SIPA1L3: variants seen among roughly 807,000 people sequenced by gnomAD.
SIPA1L3 encodes the protein signal-induced proliferation-associated 1-like protein 3.
SIPA1L3 carries 59 observed loss-of-function variants against 150.1 expected under a neutral mutation model. The ratio of observed to expected loss-of-function variants is 0.39; its 90% CI spans 0.32 to 0.49. SIPA1L3 has a LOEUF of 0.49. Ranked by LOEUF, SIPA1L3 falls within the 20% of genes least tolerant of loss-of-function variation. The pLI, the probability that SIPA1L3 is intolerant of heterozygous loss-of-function variation, is 0.86. For missense variants in SIPA1L3, 2,211 were observed against 2,489.5 expected (o/e 0.89, Z 2.38); for synonymous variants, 1,070 against 1,077.6 (o/e 0.99, Z 0.14).
At chr19:37,921,053 C>A (rs116572273) in intron 1 of SIPA1L3, among the ~76,000 whole-genome samples, 373 of 152,326 alleles carry the variant, frequency 2.4e-3, no homozygotes, top group African/African-American at 8.7e-3. Flanking sequence ...AGGCCCCACA[C>A]GAACCGGAAT....
chr19:38,156,819 A>C (rs1971959908), intron 13 of SIPA1L3, among the ~76,000 whole-genome samples: 2 of 152,086 alleles, frequency 1.3e-5, no homozygotes, highest in African/African-American at 4.8e-5. Flanking sequence ...GTGAGACTCC[A>C]TCTAAAAAAT....
intron 10 of SIPA1L3, among the ~76,000 whole-genome samples, chr19:38,140,795 C>T (rs560914056): frequency 6.6e-6 from 1 of 152,226 alleles, no homozygotes; most frequent in African/African-American, 2.4e-5. Context: ...CGGTGGCTCA[C>T]TCCTATAATC....
intron 1 of SIPA1L3, among the ~76,000 whole-genome samples, chr19:37,967,155 A>AT (rs1031156137): frequency 6.6e-6 from 1 of 151,502 alleles, no homozygotes; most frequent in African/African-American, 2.4e-5. Flanking sequence ...GTTTGTGGGC[A>AT]TTTTTGGCAT....
rs537035094 is a variant in SIPA1L3 at position 37,977,583 on chromosome 19, G to GC, written c.-378-51497dup. Among the ~76,000 whole-genome samples the GC allele has an allele frequency of 7.1e-3, 1,063 of 150,434 alleles. 7 individuals are homozygous for GC. The highest frequency in any genetic ancestry group is 0.015 in the African/African-American group (617 of 41,018). ...TCCCATGATTGGCAGTCCCCTCCAC[G>GC]CCCCCCCCCACAGAAGTAGGAGGAA... On this transcript the variant is annotated intron_variant, in intron 1 of 21. Transcript: ENST00000222345.
intron 4 of SIPA1L3, among the ~76,000 whole-genome samples, chr19:38,096,081 A>G (rs1654365): frequency 0.16 from 24,062 of 152,144 alleles, 2,014 homozygotes; most frequent in African/African-American, 0.21. Flanking sequence ...TACCGGGGCC[A>G]GAAGTGGGAT....
intron 1 of SIPA1L3, among the ~76,000 whole-genome samples, chr19:37,967,398 C>T (rs1226280983): frequency 6.6e-6 from 1 of 151,928 alleles, no homozygotes; most frequent in Non-Finnish European, 1.5e-5. Context: ...GGATTACAGG[C>T]GCCCACCACC....
rs373721533 is a variant in SIPA1L3, at chr19:38,130,575, G to T, written c.2946G>T (p.Lys982Asn). ...TCGGGCAGCTGGGCTTCCACGTGAA[G>T]TACGACGGCACGGTGGCCGAGGTTG... is the stretch of plus-strand genomic sequence containing the variant. ...NGLGQLGFHV[K>N]YDGTVAEVED... Residue 982 changes from lysine (K) to asparagine (N), a missense_variant, in exon 10 of 22, where the codon AAG (lysine) becomes AAT (asparagine). Physicochemically the swap from Lys to Asn is moderately conservative, Grantham distance 94. Around this residue, in one of 5 missense-constraint regions of SIPA1L3, gnomAD observed 625 missense variants for 804.2 expected, o/e 0.78. Transcript: ENST00000222345. The T allele has an allele frequency of 2.4e-5, 39 of 1,613,750 alleles. No individual in the cohort carries two copies. Among genetic ancestry groups the T allele is most frequent in the Non-Finnish European group, 2.3e-5 (27 of 1,180,040 alleles).
intron 21 of SIPA1L3, among the ~76,000 whole-genome samples, chr19:38,204,599 A>C (rs1380962347): frequency 2.6e-5 from 4 of 152,062 alleles, no homozygotes; most frequent in Non-Finnish European, 5.9e-5. Flanking sequence ...CCCCATCTCT[A>C]TTAAAAAGTA....
At chr19:37,962,463 C>CTTATTTTTT (rs2046867597) in intron 1 of SIPA1L3, among the ~76,000 whole-genome samples, 1 of 73,102 alleles carries the variant, frequency 1.4e-5, no homozygotes, top group Non-Finnish European at 2.3e-5. Context: ...TGCAGCCGGC[C>CTTATTTTTT]TTTTTTTTTT....
chr19:38,079,376 A>G (rs1600022813), intron 2 of SIPA1L3, among the ~76,000 whole-genome samples: 1 of 152,180 alleles, frequency 6.6e-6, no homozygotes, highest in Non-Finnish European at 1.5e-5. Flanking sequence ...CAACACAGAC[A>G]TCCCTGCCAT....
rs765947302 is a variant in SIPA1L3, at chr19:38,100,008, C to G, written c.1712C>G (p.Ala571Gly). ...ATCCTGGAAGATGCTACGCCCACAG[C>G]CACCAAGCATGGGACCGGGCGGGGC... ...GSILEDATPT[A>G]TKHGTGRGLP... The change falls in exon 5 of 22, where the codon GCC becomes GGC. Residue 571 changes from alanine (A) to glycine (G), a missense_variant. Physicochemically the swap from Ala to Gly is moderately conservative, Grantham distance 60. Around this residue, in one of 5 missense-constraint regions of SIPA1L3, gnomAD observed 625 missense variants for 804.2 expected, o/e 0.78. Coordinates refer to ENST00000222345, the MANE Select transcript of SIPA1L3 (RefSeq NM_015073.3). 7 of 1,610,388 alleles carry G rather than the reference C, an allele frequency of 4.3e-6. No homozygotes were observed. Among genetic ancestry groups the G allele is most frequent in the African/African-American group, 2.7e-5 (2 of 74,672 alleles).
At chr19:38,030,701 T>G (rs1968634438) in intron 2 of SIPA1L3, among the ~76,000 whole-genome samples, 2 of 150,482 alleles carry the variant, frequency 1.3e-5, no homozygotes, top group African/African-American at 4.9e-5. Context: ...TATGTTTAGG[T>G]TTCTGGGTTG....
At position 38,141,498 on chromosome 19, in the gene SIPA1L3, C is replaced by T. The variant is rs1971582333; in HGVS notation, c.3395+63C>T. 5 of 1,494,656 alleles carry T rather than the reference C, an allele frequency of 3.3e-6. No individual in the cohort carries two copies. The Admixed American group carries it at 7.5e-5, about 23-fold the overall frequency. The allele number at this position is 1,494,656 out of a possible 1,614,324, so 92.6% of individuals were successfully genotyped here. ...CCACCAGCCCACACCCATCCTCCGC[C>T]CCTCCCTCTCCTCACTATTTCCTCC... On this transcript the variant is annotated intron_variant, in intron 11 of 21. Coordinates refer to ENST00000222345, the MANE Select transcript of SIPA1L3 (RefSeq NM_015073.3).
intron 1 of SIPA1L3, among the ~76,000 whole-genome samples, chr19:37,937,727 G>A (rs1599814968): frequency 2.0e-5 from 1 of 50,758 alleles, no homozygotes; most frequent in East Asian, 6.8e-4. Context: ...GGGCGACAGA[G>A]TGAAACCCTG....
intron 1 of SIPA1L3, among the ~76,000 whole-genome samples, chr19:37,962,834 C>A (rs983763178): frequency 6.6e-6 from 1 of 152,140 alleles, no homozygotes; most frequent in Non-Finnish European, 1.5e-5. Flanking sequence ...TTAGATCATA[C>A]ACTGTAGCAG....
chr19:37,908,908 T>G (rs1031444618), intron 1 of SIPA1L3, among the ~76,000 whole-genome samples: 1 of 152,198 alleles, frequency 6.6e-6, no homozygotes, highest in African/African-American at 2.4e-5. Flanking sequence ...CTGAGTCCCC[T>G]GCACTCCAGC....
At chr19:38,157,629 C>T (rs1187389605) in intron 13 of SIPA1L3, among the ~76,000 whole-genome samples, 1 of 152,174 alleles carries the variant, frequency 6.6e-6, no homozygotes, top group South Asian at 2.1e-4. Context: ...CACGCTGTCC[C>T]CTGCCCAGCA....
chr19:37,945,426 C>T (rs775138670), intron 1 of SIPA1L3, among the ~76,000 whole-genome samples: 8 of 152,128 alleles, frequency 5.3e-5, no homozygotes, highest in East Asian at 1.9e-4. Flanking sequence ...TTTGTAGAGA[C>T]GGGGTTTCAC....
intron 1 of SIPA1L3, among the ~76,000 whole-genome samples, chr19:37,914,315 A>G (rs954998389): frequency 2.0e-5 from 3 of 152,032 alleles, no homozygotes; most frequent in Admixed American, 6.6e-5. Flanking sequence ...TTTGCTACAA[A>G]GAGTATCAGT....
Sources: gnomAD v4.1 joint callset for allele counts (sites outside exome capture counted in the v4.1 genomes callset) on GRCh38, gnomAD v4.1.1 for gene constraint, gnomAD v4.1.1 regional missense constraint, MANE v1.5 for transcripts, NCBI Gene and HGNC (gene_info 2026-07-23, HGNC 2026-07-21) for gene names.